Variants in JMJD6 observed in about 807,000 individuals in gnomAD.
JMJD6 encodes jumonji domain containing 6, arginine demethylase and lysine hydroxylase, also known as bifunctional arginine demethylase and lysyl-hydroxylase JMJD6.
Under a neutral mutation model 45.8 loss-of-function variants are expected in JMJD6, and 17 were observed. The observed-to-expected ratio is 0.37, with a 90% confidence interval of 0.25 to 0.56. JMJD6 has a LOEUF of 0.56. JMJD6 is among the 20% of genes least tolerant of loss of function. JMJD6 has a pLI of 0.79. For missense variants in JMJD6, 470 were observed against 517.5 expected, an observed-to-expected ratio of 0.91 and a Z score of 0.89; for synonymous variants, 221 against 196.3, an observed-to-expected ratio of 1.13 and a Z score of -1.05.
chr17:76,717,945 C>T (rs973746446), downstream of JMJD6, among the ~76,000 whole-genome samples: 3 of 150,674 alleles, frequency 2.0e-5, no homozygotes, highest in South Asian at 2.1e-4. Context: ...AAGCCGAGAT[C>T]GCATCACTGC....
In JMJD6 at chr17:76,718,840, G is replaced by T. The variant is rs1003504364; in HGVS notation, c.1101C>A (p.Gly367=). The change falls in exon 6 of 6, where the codon GGC becomes GGA. Residue 367 remains glycine, a synonymous_variant. Transcript: ENST00000397625. ...SDSECESGSE[G]DGTVHRRKKR... ...TCTTCCTGCGGTGCACTGTCCCATC[G>T]CCCTCGGATCCAGACTCGCACTGGA... The T allele has an allele frequency of 1.2e-6, 2 of 1,613,924 alleles. No individual in the cohort carries two copies. Among genetic ancestry groups the T allele is most frequent in the African/African-American group, 2.7e-5 (2 of 74,900 alleles).
At chr17:76,716,560 C>A, downstream of JMJD6, 1 of 839,192 alleles carries the variant, frequency 1.2e-6, no homozygotes, top group South Asian at 1.5e-5. Flanking sequence ...GAGCTTGGAC[C>A]AGGGAAGGAA....
downstream of JMJD6, chr17:76,716,630 G>T: frequency 6.5e-7 from 1 of 1,531,846 alleles, no homozygotes; most frequent in Non-Finnish European, 9.0e-7. Flanking sequence ...GAACTGAGTT[G>T]GGTGGCTGCC....
chr17:76,713,367 G>C (rs941536906), exon 7 of JMJD6: 1 of 152,230 alleles, frequency 6.6e-6, no homozygotes, highest in African/African-American at 2.4e-5. Flanking sequence ...CAAAGTGCTG[G>C]GATTACAGGG....
chr17:76,724,162 C>G, intron 2 of JMJD6, 104 bp from the exon 3 acceptor site: 2 of 1,291,222 alleles, frequency 1.5e-6, no homozygotes, highest in South Asian at 2.8e-5. Context: ...GCTCTATCAC[C>G]CAGGCTGGAA....
Position 76,725,860 on chromosome 17 carries a change from G to C in JMJD6, c.130-5C>G, listed in dbSNP as rs1487326446. On this transcript the variant is annotated splice_region_variant and splice_polypyrimidine_tract_variant and intron_variant, in intron 1 of 5. Coordinates refer to ENST00000397625, the MANE Select transcript of JMJD6 (RefSeq NM_015167.3). ...ATCTGCCCTTTCCACGTTATCCTGA[G>C]GGAATTAAAAAAGACCTGTCCAGTT... 1 of 1,585,970 alleles carries C rather than the reference G, an allele frequency of 6.3e-7. No individual in the cohort carries two copies. The highest frequency in any genetic ancestry group is 1.4e-5 in the African/African-American group (1 of 72,576).
At chr17:76,716,923 T>A (rs2286584), downstream of JMJD6, among the ~76,000 whole-genome samples, 29,543 of 152,094 alleles carry the variant, frequency 0.19, 3,053 homozygotes, top group East Asian at 0.32. Flanking sequence ...ATAGAAACAA[T>A]TTAAAAAGGC....
In JMJD6 at chr17:76,718,939, G is replaced by A. The variant is rs114431016; in HGVS notation, c.1081-79C>T. 1,064 of 1,411,386 alleles carry A rather than the reference G, an allele frequency of 7.5e-4. 9 individuals are homozygous for A. In the African/African-American group the frequency reaches 0.014, roughly 18 times the overall value. The allele number at this position is 1,411,386 out of a possible 1,614,324, so 87.4% of individuals were successfully genotyped here. A position where few individuals can be genotyped will look rare whatever the true frequency, so the allele number is the denominator to read the frequency against. On this transcript the variant is annotated intron_variant, in intron 5 of 5. Transcript: ENST00000397625. Reference sequence around the variant, plus strand: ...TCATTAAACAAACCTCTGACCTCGGGAGACAGCACAGATATTGGTCACTTT... The same window carrying A: ...TCATTAAACAAACCTCTGACCTCGGAAGACAGCACAGATATTGGTCACTTT...
downstream of JMJD6, chr17:76,715,155 GA>G (rs2076755277): frequency 6.6e-6 from 1 of 152,052 alleles, no homozygotes. Context: ...CTGGGAAAAA[GA>G]AAAAAGCTTT....
chr17:76,716,455 A>G (rs1387909766), downstream of JMJD6: 4 of 527,702 alleles, frequency 7.6e-6, no homozygotes, highest in African/African-American at 1.9e-5. Context: ...CCAACATCCC[A>G]TTAGCTTCAG....
intron 4 of JMJD6, among the ~76,000 whole-genome samples, chr17:76,720,862 T>C (rs757470837): frequency 7.2e-5 from 11 of 152,226 alleles, no homozygotes; most frequent in Non-Finnish European, 1.3e-4. Flanking sequence ...CCCTTCCCAG[T>C]TGATTTTTAA....
At chr17:76,725,004 GC>G (rs1159181888) in intron 2 of JMJD6, among the ~76,000 whole-genome samples, 4 of 152,058 alleles carry the variant, frequency 2.6e-5, no homozygotes, top group Non-Finnish European at 5.9e-5. Context: ...TAGGGCCCAG[GC>G]AGGCCTCAGG....
chr17:76,718,579 C>A lies in JMJD6; in HGVS notation c.*150G>T. 1 of 1,427,564 alleles carries A rather than the reference C, an allele frequency of 7.0e-7. No homozygotes were observed. Among genetic ancestry groups the A allele is most frequent in the Middle Eastern group, 1.9e-4 (1 of 5,386 alleles). 88.4% of individuals were successfully genotyped at this position (1,427,564 alleles called of 1,614,324 possible). On this transcript the variant is annotated 3_prime_UTR_variant, in exon 6 of 6. Coordinates refer to ENST00000397625, the MANE Select transcript of JMJD6 (RefSeq NM_015167.3). ...GCAGAGGGAAAGCTACTGGAGCAAACGCTAAGTGAATGGGTTCCCGTGCCG... is the reference window on the plus strand; with the variant it reads ...GCAGAGGGAAAGCTACTGGAGCAAAAGCTAAGTGAATGGGTTCCCGTGCCG...
Position 76,718,522 on chromosome 17 carries a change from A to G in JMJD6, c.*207T>C. 7.3e-7 allele frequency: 1 copy of G among 1,369,656 alleles called. No homozygotes were observed. The highest frequency in any genetic ancestry group is 9.4e-7 in the Non-Finnish European group (1 of 1,064,718). The allele number at this position is 1,369,656 out of a possible 1,614,324, so 84.8% of individuals were successfully genotyped here. On this transcript the variant is annotated 3_prime_UTR_variant, in exon 6 of 6. Coordinates refer to ENST00000397625, the MANE Select transcript of JMJD6 (RefSeq NM_015167.3). ...GGCACTATTCACATTCTCTTGCCTG[A>G]GTAAAACAAGCCGCGTTTATCTGCA...
At chr17:76,721,755 C>A in intron 4 of JMJD6, 43 bp downstream of exon 4, 2 of 1,599,944 alleles carry the variant, frequency 1.3e-6, no homozygotes, top group South Asian at 2.2e-5. Context: ...TCTCTGGGGT[C>A]GAAATTGAAA....
At position 76,723,871 on chromosome 17, in the gene JMJD6, A is replaced by G. The variant is rs1470034044; in HGVS notation, c.706T>C (p.Phe236Leu). Residue 236 changes from phenylalanine (F) to leucine (L), a missense_variant, in exon 3 of 6, where the codon TTT becomes CTT. Phe to Leu is a conservative substitution (Grantham distance 22). Coordinates refer to ENST00000397625, the MANE Select transcript of JMJD6 (RefSeq NM_015167.3). The part of the protein sequence containing the change: ...GNQQDEAITW[F>L]NVIYPRTQLP... Reference sequence around the variant, plus strand: ...TGTGTCCGGGGATAAATAACATTAAACCAGGTAATAGCTTCGTCTTGCTGG... The same window carrying G: ...TGTGTCCGGGGATAAATAACATTAAGCCAGGTAATAGCTTCGTCTTGCTGG... 1.2e-6 allele frequency: 2 copies of G among 1,613,944 alleles called. No individual in the cohort carries two copies. Among genetic ancestry groups the G allele is most frequent in the African/African-American group, 2.7e-5 (2 of 74,866 alleles).
At chr17:76,723,726 C>T (rs2076858520) in intron 3 of JMJD6, 46 bp downstream of exon 3, 6 of 1,584,158 alleles carry the variant, frequency 3.8e-6, no homozygotes, top group Non-Finnish European at 4.3e-6. Context: ...CAGGCATGAA[C>T]CACCGCGCCC....
chr17:76,720,285 A>C, intron 5 of JMJD6, 75 bp downstream of exon 5: 8 of 1,324,326 alleles, frequency 6.0e-6, no homozygotes, highest in South Asian at 1.2e-5. Context: ...AGGAGGAGGA[A>C]GAGTCACACC....
At chr17:76,714,800 T>A (rs2076752735), downstream of JMJD6, 1 of 152,222 alleles carries the variant, frequency 6.6e-6, no homozygotes, top group Non-Finnish European at 1.5e-5. Flanking sequence ...ACTGGGTGGC[T>A]AATCTTTATT....
Sources: allele counts gnomAD v4.1 joint callset (sites outside exome capture counted in the v4.1 genomes callset), GRCh38; gene constraint gnomAD v4.1.1; transcripts MANE v1.5; gene names NCBI Gene and HGNC (gene_info 2026-07-23, HGNC 2026-07-21).